The following MAP3K7CL variants were observed in gnomAD, a reference collection of about 807,000 sequenced individuals.
MAP3K7CL encodes the protein MAP3K7 C-terminal like.
A neutral mutation model predicts 18.6 loss-of-function variants in MAP3K7CL; 16 were observed. The ratio of observed to expected loss-of-function variants is 0.86; its 90% CI spans 0.58 to 1.31. The LOEUF (loss-of-function observed/expected upper bound fraction) is 1.31. Among genes scored for constraint, MAP3K7CL ranks in the 50% most tolerant of loss-of-function variants. MAP3K7CL has a pLI of 0.00. For synonymous variants in MAP3K7CL, 65 were observed against 66.8 expected (o/e 0.97, Z 0.13); for missense variants, 163 against 174.4 (o/e 0.93, Z 0.37).
chr21:29,148,234 G>T (rs948150909), intron 2 of MAP3K7CL, among the ~76,000 whole-genome samples: 4 of 151,444 alleles, frequency 2.6e-5, no homozygotes, highest in African/African-American at 7.3e-5. Context: ...TGTATGTGTA[G>T]GTATACTGTA....
At chr21:29,101,478 C>G (rs947927231) in intron 4 of MAP3K7CL, among the ~76,000 whole-genome samples, 4 of 152,216 alleles carry the variant, frequency 2.6e-5, no homozygotes, top group African/African-American at 9.6e-5. Context: ...GGCGCCATCT[C>G]TGCTCACTGC....
chr21:29,174,669 T>C (rs762629422), intron 4 of MAP3K7CL, 43 bp from the exon 5 acceptor site: 1 of 1,603,180 alleles, frequency 6.2e-7, no homozygotes, highest in Admixed American at 1.7e-5. Context: ...TTTGCTTGCA[T>C]TGAATTCTGT....
rs147923882 is a variant in MAP3K7CL, at chr21:29,105,242, C to G, written c.370+12661C>G. ...TGGGGAATGCTATATTGAAAAAGGC[C>G]TTGCTCTCTGATCTTTCTCAGTCCT... On this transcript the variant is annotated intron_variant, in intron 4 of 6. Coordinates refer to the MAP3K7CL transcript ENST00000286791. Among the ~76,000 whole-genome samples, 29 of 152,330 alleles carry G rather than the reference C, an allele frequency of 1.9e-4. No homozygotes were observed. In the East Asian group the frequency reaches 4.2e-3, roughly 22 times the overall value.
intron 2 of MAP3K7CL, among the ~76,000 whole-genome samples, chr21:29,133,862 T>C (rs116134936): frequency 0.015 from 2,214 of 152,350 alleles, 44 homozygotes; most frequent in African/African-American, 0.05. Context: ...CCCACACTTC[T>C]GGCTAAATCA....
chr21:29,113,823 G>A (rs905249481), intron 4 of MAP3K7CL, among the ~76,000 whole-genome samples: 3 of 152,116 alleles, frequency 2.0e-5, no homozygotes, highest in Non-Finnish European at 4.4e-5. Flanking sequence ...GAGCCACCAC[G>A]CCCGGCCATA....
chr21:29,150,858 C>T (rs1354083376), intron 3 of MAP3K7CL, among the ~76,000 whole-genome samples: 1 of 151,524 alleles, frequency 6.6e-6, no homozygotes, highest in Non-Finnish European at 1.5e-5. Context: ...CAAACTCCAC[C>T]TCCTGGGTTC....
chr21:29,099,261 A>ATTTT (rs968362985), intron 4 of MAP3K7CL, among the ~76,000 whole-genome samples: 891 of 83,078 alleles, frequency 0.011, no homozygotes, highest in Non-Finnish European at 0.014. Context: ...CAGCTAATTG[A>ATTTT]TTTTTTTTTT....
rs2087934855 is a variant in MAP3K7CL at position 29,175,013 on chromosome 21, C to A, written c.*121C>A. 23 of 981,276 alleles carry A rather than the reference C, an allele frequency of 2.3e-5. No individual in the cohort carries two copies. Among genetic ancestry groups the A allele is most frequent in the South Asian group, 1.3e-4 (7 of 54,002 alleles). The allele number at this position is 981,276 out of a possible 1,614,324, so 60.8% of individuals were successfully genotyped here. A position where few individuals can be genotyped will look rare whatever the true frequency, so the allele number is the denominator to read the frequency against. ...CTTCTCTGTATTACCCACATGACAA[C>A]TGTCTATAATGAGTTTACTGCTTGC... On this transcript the variant is annotated 3_prime_UTR_variant, in exon 5 of 5. Coordinates refer to ENST00000399928, the MANE Select transcript of MAP3K7CL (RefSeq NM_001286620.2).
chr21:29,167,725 A>G lies in MAP3K7CL; in HGVS notation c.249-6987A>G, dbSNP rs1486562128. On this transcript the variant is annotated intron_variant, in intron 4 of 4. Coordinates refer to ENST00000399928, the MANE Select transcript of MAP3K7CL (RefSeq NM_001286620.2). Reference sequence around the variant, plus strand: ...TTTTTTTTTTTTTTTTTTGAGATAGAGTCTTGCTCTGTCACCCAGGCTGGA... The same window carrying G: ...TTTTTTTTTTTTTTTTTTGAGATAGGGTCTTGCTCTGTCACCCAGGCTGGA... 3.2e-5 allele frequency among the ~76,000 whole-genome samples: 4 copies of G among 124,134 alleles called. No homozygotes were observed. The East Asian group carries it at 9.4e-4, about 29-fold the overall frequency. 81.4% of individuals were successfully genotyped at this position (124,134 alleles called of 152,430 possible).
chr21:29,160,006 A>G lies in MAP3K7CL; in HGVS notation c.198A>G (p.Ala66=). ...MEVFKQHCQI[A]EEYHEVKKEI... is the part of the protein sequence containing the mutation. Reference sequence around the variant, plus strand: ...TGTTCAAACAGCACTGCCAAATAGCAGAAGAATACCATGAGGTCAAAAAGG... The same window carrying G: ...TGTTCAAACAGCACTGCCAAATAGCGGAAGAATACCATGAGGTCAAAAAGG... The change falls in exon 4 of 5, where the codon GCA becomes GCG. Residue 66 remains alanine, a synonymous_variant. Coordinates refer to ENST00000399928, the MANE Select transcript of MAP3K7CL (RefSeq NM_001286620.2). The G allele has an allele frequency of 6.2e-7, 1 of 1,614,074 alleles. No homozygotes were observed. The highest frequency in any genetic ancestry group is 2.2e-5 in the East Asian group (1 of 44,880).
At chr21:29,135,781 A>C (rs771951728) in intron 2 of MAP3K7CL, among the ~76,000 whole-genome samples, 5 of 152,086 alleles carry the variant, frequency 3.3e-5, no homozygotes, top group Non-Finnish European at 7.4e-5. Flanking sequence ...CACTTTCAAA[A>C]TCCATGGTTT....
At chr21:29,155,007 C>G (rs1229082690) in intron 3 of MAP3K7CL, among the ~76,000 whole-genome samples, 1 of 152,186 alleles carries the variant, frequency 6.6e-6, no homozygotes, top group Non-Finnish European at 1.5e-5. Context: ...CTTAAATATA[C>G]TTTACTCCAG....
intron 2 of MAP3K7CL, among the ~76,000 whole-genome samples, chr21:29,137,272 T>C (rs1176697357): frequency 6.6e-6 from 1 of 152,244 alleles, no homozygotes; most frequent in African/African-American, 2.4e-5. Context: ...AATAGATTGT[T>C]CATATCCTAT....
chr21:29,144,081 T>C (rs560252857), intron 2 of MAP3K7CL, among the ~76,000 whole-genome samples: 1 of 152,212 alleles, frequency 6.6e-6, no homozygotes, highest in Non-Finnish European at 1.5e-5. Flanking sequence ...GTGGTCATTT[T>C]TGAATCATCT....
chr21:29,104,690 G>T (rs2086290158), intron 4 of MAP3K7CL, among the ~76,000 whole-genome samples: 2 of 152,176 alleles, frequency 1.3e-5, no homozygotes, highest in South Asian at 4.1e-4. Flanking sequence ...TGCCTGAATG[G>T]CAGAATGTGT....
rs765704673 is a variant in MAP3K7CL, at chr21:29,174,919, G to T, written c.*27G>T. 6.2e-7 allele frequency: 1 copy of T among 1,605,812 alleles called. No individual in the cohort carries two copies. Among genetic ancestry groups the T allele is most frequent in the African/African-American group, 1.3e-5 (1 of 74,882 alleles). Reference sequence around the variant, plus strand: ...TTTAAATTTTTCAGTGTGAGCATACGAGGCTGATGACTGCCCTGTGCTGGC... The same window carrying T: ...TTTAAATTTTTCAGTGTGAGCATACTAGGCTGATGACTGCCCTGTGCTGGC... On this transcript the variant is annotated 3_prime_UTR_variant, in exon 5 of 5. Coordinates refer to ENST00000399928, the MANE Select transcript of MAP3K7CL (RefSeq NM_001286620.2).
chr21:29,137,078 T>C (rs1390634023), intron 2 of MAP3K7CL, among the ~76,000 whole-genome samples: 1 of 152,246 alleles, frequency 6.6e-6, no homozygotes, highest in Non-Finnish European at 1.5e-5. Flanking sequence ...GGTAAAGTAT[T>C]TAGCAGAGTG....
chr21:29,128,018 AGCCACTTCC>A (rs2146610317), upstream of MAP3K7CL: 1 of 152,318 alleles, frequency 6.6e-6, no homozygotes, highest in African/African-American at 2.4e-5. Context: ...ACTAGAATTC[AGCCACTTCC>A]AGTCACTGAC....
intron 4 of MAP3K7CL, among the ~76,000 whole-genome samples, chr21:29,110,694 G>A (rs568075880): frequency 6.6e-6 from 1 of 152,040 alleles, no homozygotes; most frequent in African/African-American, 2.4e-5. Context: ...CACCACACTC[G>A]GCCATCTCTG....
Sources: gnomAD v4.1 joint callset for allele counts (sites outside exome capture counted in the v4.1 genomes callset) on GRCh38, gnomAD v4.1.1 for gene constraint, MANE v1.5 for transcripts, NCBI Gene and HGNC (gene_info 2026-07-23, HGNC 2026-07-21) for gene names.